Variants in SAMD4A observed in about 807,000 individuals in gnomAD.
SAMD4A encodes sterile alpha motif domain containing 4A.
Under a neutral mutation model 81.3 loss-of-function variants are expected in SAMD4A, and 33 were observed. The observed-to-expected ratio is 0.41, with a 90% CI of 0.31 to 0.54. The LOEUF is 0.54. Ranked by LOEUF, SAMD4A falls within the 20% of genes least tolerant of loss-of-function variation. The pLI is 0.37. For synonymous variants in SAMD4A, 389 were observed against 382.1 expected, an observed-to-expected ratio of 1.02 and a Z score of -0.21; for missense variants, 854 against 951.1, an observed-to-expected ratio of 0.90 and a Z score of 1.34.
intron 4 of SAMD4A, among the ~76,000 whole-genome samples, chr14:54,739,518 C>G (rs1230341139): frequency 7.4e-6 from 1 of 135,346 alleles, no homozygotes. Flanking sequence ...AGTTAAATGG[C>G]AAAAAAAAAA....
chr14:54,749,067 A>C (rs182240080), intron 5 of SAMD4A, 143 bp downstream of exon 5: 69 of 595,680 alleles, frequency 1.2e-4, no homozygotes, highest in African/African-American at 1.0e-3. Flanking sequence ...GCTGGCCAGC[A>C]TTCCATGGTG....
At chr14:54,738,191 T>C (rs2037748107) in intron 4 of SAMD4A, among the ~76,000 whole-genome samples, 1 of 152,178 alleles carries the variant, frequency 6.6e-6, no homozygotes, top group Admixed American at 6.5e-5. Flanking sequence ...TTTGCTGGCA[T>C]TAATAGTCCT....
chr14:54,595,489 A>G (rs2033888393), intron 2 of SAMD4A, among the ~76,000 whole-genome samples: 1 of 150,132 alleles, frequency 6.7e-6, no homozygotes, highest in Non-Finnish European at 1.5e-5. Context: ...AAATGATTAA[A>G]CGAACTAAAA....
At chr14:54,611,483 T>C (rs1204973865) in intron 2 of SAMD4A, among the ~76,000 whole-genome samples, 1 of 152,214 alleles carries the variant, frequency 6.6e-6, no homozygotes, top group Non-Finnish European at 1.5e-5. Flanking sequence ...TTCCTTATGC[T>C]AGCCTTTTCC....
At chr14:54,592,925 C>T (rs1336952211) in intron 2 of SAMD4A, among the ~76,000 whole-genome samples, 2 of 152,114 alleles carry the variant, frequency 1.3e-5, no homozygotes, top group South Asian at 2.1e-4. Context: ...GTACTTTATA[C>T]AGTTTGTATT....
intron 2 of SAMD4A, among the ~76,000 whole-genome samples, chr14:54,620,673 G>T (rs10162442): frequency 0.47 from 71,262 of 152,036 alleles, 17,219 homozygotes; most frequent in East Asian, 0.73. Context: ...GAAGTCGTAA[G>T]GGACATGTGT....
chr14:54,606,145 A>G (rs2034193289), intron 2 of SAMD4A, among the ~76,000 whole-genome samples: 1 of 151,862 alleles, frequency 6.6e-6, no homozygotes, highest in African/African-American at 2.4e-5. Flanking sequence ...TTTCTGTTAC[A>G]AGGAAAAGAG....
At chr14:54,619,595 T>G (rs2034567695) in intron 2 of SAMD4A, among the ~76,000 whole-genome samples, 1 of 152,192 alleles carries the variant, frequency 6.6e-6, no homozygotes, top group African/African-American at 2.4e-5. Flanking sequence ...TGTGCAGGTT[T>G]TGTTATATAG....
At chr14:54,694,760 A>C (rs1331794206) in intron 2 of SAMD4A, 9 of 985,314 alleles carry the variant, frequency 9.1e-6, no homozygotes, top group Non-Finnish European at 1.1e-5. Context: ...TCCTAACCCT[A>C]ACTTGAGTCC....
Position 54,775,007 on chromosome 14 carries a change from C to T in SAMD4A, c.1789C>T (p.Arg597Cys), listed in dbSNP as rs754210487. ...CGGTGGCATGGGCAGACGGAACCCG[C>T]GCCAGTACCAGATCCCCTCTCGGAA... ...VGGGMGRRNPRQYQIPSRNVP... is the reference protein window; with the variant it reads ...VGGGMGRRNPCQYQIPSRNVP... Residue 597 changes from arginine (R) to cysteine (C), a missense_variant, in exon 10 of 13, where the codon CGC becomes TGC. Transcript: ENST00000554335. 29 of 1,614,082 alleles carry T rather than the reference C, an allele frequency of 1.8e-5. No individual in the cohort carries two copies. The highest frequency in any genetic ancestry group is 1.3e-4 in the African/African-American group (10 of 74,930).
chr14:54,711,365 A>G lies in SAMD4A; in HGVS notation c.715+8785A>G, dbSNP rs1356314234. On this transcript the variant is annotated intron_variant, in intron 3 of 12. Transcript: ENST00000554335. ...ATAGTTACATGAATTTATACATGTG[A>G]TGAACTGCCATAGTTACAAATGTAT... Among the ~76,000 whole-genome samples the G allele has an allele frequency of 5.3e-5, 8 of 152,340 alleles. No homozygotes were observed. The East Asian group carries it at 1.2e-3, about 22-fold the overall frequency.
chr14:54,602,972 A>G (rs1190700425), intron 2 of SAMD4A, among the ~76,000 whole-genome samples: 2 of 152,212 alleles, frequency 1.3e-5, no homozygotes, highest in Admixed American at 1.3e-4. Context: ...ACTGAATCCC[A>G]GCCTACCTTT....
chr14:54,575,924 T>C (rs561483722), intron 2 of SAMD4A, among the ~76,000 whole-genome samples: 46 of 151,396 alleles, frequency 3.0e-4, no homozygotes, highest in African/African-American at 1.1e-3. Context: ...TTTTTGAATA[T>C]GCTGAAATTT....
chr14:54,569,034 GA>G (rs1355667205), intron 2 of SAMD4A, among the ~76,000 whole-genome samples: 1 of 151,950 alleles, frequency 6.6e-6, no homozygotes, highest in Non-Finnish European at 1.5e-5. Flanking sequence ...GGGATGGGGG[GA>G]AAGTCTGATG....
intron 2 of SAMD4A, chr14:54,687,263 C>A (rs1402713208): frequency 2.3e-6 from 1 of 434,756 alleles, no homozygotes; most frequent in Non-Finnish European, 4.6e-6. Flanking sequence ...GATCCTGCCC[C>A]TCCATGGGCA....
At chr14:54,716,592 G>T (rs1045648360) in intron 3 of SAMD4A, among the ~76,000 whole-genome samples, 6 of 152,078 alleles carry the variant, frequency 3.9e-5, no homozygotes, top group Admixed American at 1.3e-4. Context: ...TTTCTTAGTT[G>T]CTCGTTAGTC....
intron 4 of SAMD4A, among the ~76,000 whole-genome samples, chr14:54,745,173 CT>C (rs1463405525): frequency 6.6e-6 from 1 of 152,228 alleles, no homozygotes; most frequent in Non-Finnish European, 1.5e-5. Flanking sequence ...TAGCCATTGC[CT>C]TTCTAGCACA....
intron 3 of SAMD4A, among the ~76,000 whole-genome samples, chr14:54,718,312 C>T (rs12881841): frequency 6.6e-6 from 1 of 152,228 alleles, no homozygotes; most frequent in Admixed American, 6.5e-5. Flanking sequence ...GGAAAGATTT[C>T]ATGTTTACTT....
intron 2 of SAMD4A, among the ~76,000 whole-genome samples, chr14:54,638,236 G>C (rs1176421172): frequency 2.0e-5 from 3 of 152,178 alleles, no homozygotes; most frequent in Non-Finnish European, 4.4e-5. Context: ...TGATTCATGG[G>C]GGACTGCACG....
Sources: gnomAD v4.1 joint callset for allele counts (sites outside exome capture counted in the v4.1 genomes callset) on GRCh38, gnomAD v4.1.1 for gene constraint, MANE v1.5 for transcripts, NCBI Gene and HGNC (gene_info 2026-07-23, HGNC 2026-07-21) for gene names.